Variants in RBM28 observed in about 807,000 individuals in gnomAD.
The protein encoded by RBM28 is RNA-binding protein 28.
A neutral mutation model predicts 98.3 loss-of-function variants in RBM28; 78 were observed. That is an observed-to-expected ratio of 0.79 (90% CI 0.66 to 0.96). RBM28 has a LOEUF of 0.96. RBM28 is among the 40% of genes least tolerant of loss of function. The pLI is 0.00. For missense variants in RBM28, 838 were observed against 913.0 expected, an observed-to-expected ratio of 0.92 and a Z score of 1.06; for synonymous variants, 306 against 330.9, an observed-to-expected ratio of 0.92 and a Z score of 0.82.
chr7:128,329,806 G>A (rs984140673), intron 10 of RBM28, among the ~76,000 whole-genome samples: 3 of 145,250 alleles, frequency 2.1e-5, no homozygotes, highest in East Asian at 2.2e-4. Context: ...GGAGAATGGC[G>A]TGAACCCAGG....
At chr7:128,337,887 T>C (rs1796636503) in intron 5 of RBM28, among the ~76,000 whole-genome samples, 1 of 152,146 alleles carries the variant, frequency 6.6e-6, no homozygotes, top group Admixed American at 6.6e-5. Flanking sequence ...GGCACAGTAC[T>C]TGATAAGTCA....
chr7:128,316,901 A>AAAAGGC (rs1796117436), intron 16 of RBM28, among the ~76,000 whole-genome samples: 1 of 152,184 alleles, frequency 6.6e-6, no homozygotes, highest in Non-Finnish European at 1.5e-5. Flanking sequence ...CTTGGTATAT[A>AAAAGGC]CCACAAAGAC....
chr7:128,341,491 A>G (rs1796723827), intron 1 of RBM28, among the ~76,000 whole-genome samples: 1 of 152,250 alleles, frequency 6.6e-6, no homozygotes, highest in African/African-American at 2.4e-5. Context: ...CATCTTAAAG[A>G]GGTGAAGTGA....
rs1795799872 is a variant in RBM28 at position 128,302,818 on chromosome 7, G to A, written c.*7979C>T. On this transcript the variant is annotated 3_prime_UTR_variant, in exon 19 of 19. Coordinates refer to ENST00000223073, the MANE Select transcript of RBM28 (RefSeq NM_018077.3). Reference sequence around the variant, plus strand: ...GACAGGGTATCACGCTGTTGCCCAGGTTGGAGTACAGTGGTACAACCATAG... The same window carrying A: ...GACAGGGTATCACGCTGTTGCCCAGATTGGAGTACAGTGGTACAACCATAG... 6.6e-6 allele frequency: 1 copy of A among 152,132 alleles called. No homozygotes were observed. Among genetic ancestry groups the A allele is most frequent in the African/African-American group, 2.4e-5 (1 of 41,408 alleles). 9.4% of individuals were successfully genotyped at this position (152,132 alleles called of 1,614,324 possible).
chr7:128,320,127 G>C (rs550138994), intron 14 of RBM28, among the ~76,000 whole-genome samples: 49 of 147,660 alleles, frequency 3.3e-4, no homozygotes, highest in Non-Finnish European at 6.2e-4. Flanking sequence ...TGAGGCAAGA[G>C]AATCGCTTGA....
intron 10 of RBM28, 136 bp downstream of exon 10, chr7:128,330,683 T>G: frequency 1.3e-6 from 1 of 741,570 alleles, no homozygotes; most frequent in Non-Finnish European, 2.4e-6. Context: ...CCCTGGTACT[T>G]TTATAGAACC....
At chr7:128,336,941 G>A (rs1584661776) in intron 6 of RBM28, among the ~76,000 whole-genome samples, 190 bp downstream of exon 6, 1 of 152,040 alleles carries the variant, frequency 6.6e-6, no homozygotes, top group Non-Finnish European at 1.5e-5. Flanking sequence ...TAGAGATGGG[G>A]TTTTGCATGT....
At position 128,298,677 on chromosome 7, in the gene RBM28, T is replaced by A. The variant is rs563868111; in HGVS notation, c.*12120A>T. On this transcript the variant is annotated 3_prime_UTR_variant, in exon 19 of 19. Coordinates refer to ENST00000223073, the MANE Select transcript of RBM28 (RefSeq NM_018077.3). ...AAGGATCACTCATTTTCCCCTTAAC[T>A]GAGAACAAGGGCTGCACATGAACAA... 1 of 152,290 alleles carries A rather than the reference T, an allele frequency of 6.6e-6. No homozygotes were observed. Among genetic ancestry groups the A allele is most frequent in the Non-Finnish European group, 1.5e-5 (1 of 68,050 alleles). 9.4% of individuals were successfully genotyped at this position (152,290 alleles called of 1,614,324 possible). A position where few individuals can be genotyped will look rare whatever the true frequency, so the allele number is the denominator to read the frequency against.
chr7:128,322,267 C>T (rs200071753), intron 13 of RBM28, among the ~76,000 whole-genome samples: 1 of 152,150 alleles, frequency 6.6e-6, no homozygotes, highest in Non-Finnish European at 1.5e-5. Flanking sequence ...ACCACAGAAC[C>T]ATATTTTGCT....
intron 18 of RBM28, among the ~76,000 whole-genome samples, chr7:128,312,923 A>C (rs1485984646): frequency 1.3e-5 from 2 of 152,170 alleles, no homozygotes; most frequent in African/African-American, 4.8e-5. Context: ...AATATACTCT[A>C]GTGGGGAAAG....
At position 128,320,046 on chromosome 7, in the gene RBM28, G is replaced by A. The variant is rs138748439; in HGVS notation, c.1563+1220C>T. Among the ~76,000 whole-genome samples the A allele has an allele frequency of 3.9e-5, 6 of 151,964 alleles. No homozygotes were observed. In the South Asian group the frequency reaches 6.2e-4, roughly 16 times the overall value. On this transcript the variant is annotated intron_variant, in intron 14 of 18. Transcript: ENST00000223073. ...CATCTTGGCAACATGGTGAAACCCC[G>A]TCTCCACTAAAAATACAAAAATCAG...
intron 12 of RBM28, among the ~76,000 whole-genome samples, chr7:128,323,910 G>C (rs1337558147): frequency 1.3e-5 from 2 of 152,160 alleles, no homozygotes; most frequent in African/African-American, 4.8e-5. Context: ...AGTACATTTT[G>C]GGCATTTAGA....
intron 10 of RBM28, 109 bp downstream of exon 10, chr7:128,330,710 A>C: frequency 1.2e-6 from 1 of 832,862 alleles, no homozygotes. Context: ...CCTGGGCTGG[A>C]TGGACTGTGA....
In RBM28 at chr7:128,310,923, C is replaced by G; in HGVS notation, c.2154G>C (p.Arg718Ser). 1.2e-6 allele frequency: 2 copies of G among 1,612,528 alleles called. No individual in the cohort carries two copies. The highest frequency in any genetic ancestry group is 4.5e-5 in the East Asian group (2 of 44,886). ...KQQLSSEQVS[R>S]KKAKGNKTET... ...CCGTCTTATTTCCCTTAGCTTTTTT[C>G]CTAGATACCTACAAATGAAAGGATT... Residue 718 changes from arginine (R) to serine (S), a missense_variant, in exon 19 of 19, where the codon AGG (arginine) becomes AGC (serine). Coordinates refer to ENST00000223073, the MANE Select transcript of RBM28 (RefSeq NM_018077.3).
At position 128,338,336 on chromosome 7, in the gene RBM28, T is replaced by G; in HGVS notation, c.455A>C (p.Lys152Thr). Residue 152 changes from lysine (K) to threonine (T), a missense_variant, in exon 5 of 19, where the codon AAG becomes ACG. Transcript: ENST00000223073. ...EVNIPRKPDG[K>T]MRGFGFVQFK... is the part of the protein sequence containing the mutation. ...CTGAACAAAACCAAAACCGCGCATCTTCCCATCTGTGTGCAAATGCACAAA... is the reference window on the plus strand; with the variant it reads ...CTGAACAAAACCAAAACCGCGCATCGTCCCATCTGTGTGCAAATGCACAAA... 6.2e-7 allele frequency: 1 copy of G among 1,613,672 alleles called. No individual in the cohort carries two copies. Among genetic ancestry groups the G allele is most frequent in the Non-Finnish European group, 8.5e-7 (1 of 1,179,564 alleles).
chr7:128,330,324 T>G (rs1333922207), intron 10 of RBM28, among the ~76,000 whole-genome samples: 2 of 147,840 alleles, frequency 1.4e-5, no homozygotes, highest in Admixed American at 1.4e-4. Context: ...GCAGCACCAT[T>G]AAAGATGCTG....
In RBM28 at chr7:128,335,633, C is replaced by G; in HGVS notation, c.856G>C (p.Glu286Gln). Reference protein sequence around the residue: ...APAKSSDHSEEDSDLEESDSI... With the variant: ...APAKSSDHSEQDSDLEESDSI... ...TCGCTTTCCTCTAGGTCACTGTCCTCCTCAGAATGATCACTGCTTTTTGCA... is the reference window on the plus strand; with the variant it reads ...TCGCTTTCCTCTAGGTCACTGTCCTGCTCAGAATGATCACTGCTTTTTGCA... Residue 286 changes from glutamate to glutamine, a missense_variant, in exon 8 of 19, where the codon GAG (glutamate) becomes CAG (glutamine). Physicochemically the swap from Glu to Gln is conservative, Grantham distance 29. Coordinates refer to ENST00000223073, the MANE Select transcript of RBM28 (RefSeq NM_018077.3). 6.2e-7 allele frequency: 1 copy of G among 1,614,220 alleles called. No homozygotes were observed. Among genetic ancestry groups the G allele is most frequent in the Non-Finnish European group, 8.5e-7 (1 of 1,180,042 alleles).
chr7:128,327,314 T>C (rs904121230), intron 10 of RBM28, among the ~76,000 whole-genome samples: 2 of 152,090 alleles, frequency 1.3e-5, no homozygotes, highest in African/African-American at 4.8e-5. Context: ...TTGGGAGGCA[T>C]CAGATATGGG....
At position 128,309,154 on chromosome 7, in the gene RBM28, A is replaced by C. The variant is rs1795927263; in HGVS notation, c.*1643T>G. On this transcript the variant is annotated 3_prime_UTR_variant, in exon 19 of 19. Transcript: ENST00000223073. ...CCTACCTTATTTTTTTCATTCAACA[A>C]ATATTTATTCAATACTTACTACGTG... 1 of 152,034 alleles carries C rather than the reference A, an allele frequency of 6.6e-6. No individual in the cohort carries two copies. The highest frequency in any genetic ancestry group is 1.5e-5 in the Non-Finnish European group (1 of 68,048). The allele number at this position is 152,034 out of a possible 1,614,324, so 9.4% of individuals were successfully genotyped here.
Sources: allele counts gnomAD v4.1 joint callset (sites outside exome capture counted in the v4.1 genomes callset), GRCh38; gene constraint gnomAD v4.1.1; transcripts MANE v1.5; gene names NCBI Gene and HGNC (gene_info 2026-07-23, HGNC 2026-07-21).